ARHGAP10: variants seen among roughly 807,000 people sequenced by gnomAD.
The protein encoded by ARHGAP10 is Rho GTPase activating protein 10.
A neutral mutation model predicts 108.6 loss-of-function variants in ARHGAP10; 87 were observed. That is an observed-to-expected ratio of 0.80 (90% CI 0.67 to 0.96). The LOEUF (loss-of-function observed/expected upper bound fraction) is 0.96, where lower values mean the gene tolerates loss of function less well. ARHGAP10 is among the 40% of genes least tolerant of loss of function. ARHGAP10 has a pLI of 0.00. For synonymous variants in ARHGAP10, 347 were observed against 341.1 expected (o/e 1.02, Z -0.19); for missense variants, 939 against 954.5 (o/e 0.98, Z 0.21).
chr4:147,828,339 G>A (rs1224510293), intron 3 of ARHGAP10, among the ~76,000 whole-genome samples: 1 of 152,196 alleles, frequency 6.6e-6, no homozygotes, highest in Non-Finnish European at 1.5e-5. Context: ...CTGTGTGTAT[G>A]CTCAGCAATC....
chr4:147,842,569 T>A (rs2126811981), intron 3 of ARHGAP10, among the ~76,000 whole-genome samples: 1 of 152,354 alleles, frequency 6.6e-6, no homozygotes, highest in Admixed American at 6.5e-5. Flanking sequence ...TCTGCTTTAG[T>A]GACACCGAGC....
intron 12 of ARHGAP10, among the ~76,000 whole-genome samples, chr4:147,910,702 G>A (rs1010518811): frequency 1.3e-5 from 2 of 151,848 alleles, no homozygotes; most frequent in African/African-American, 2.4e-5. Flanking sequence ...ACATAAAAAC[G>A]TGATCAGATC....
At chr4:147,882,462 C>A (rs202238537) in intron 10 of ARHGAP10, among the ~76,000 whole-genome samples, 122 of 145,152 alleles carry the variant, frequency 8.4e-4, no homozygotes, top group South Asian at 1.3e-3. Context: ...GACTCCGTTT[C>A]AAAAAAAAAA....
At chr4:147,783,538 T>C (rs189566626) in intron 1 of ARHGAP10, among the ~76,000 whole-genome samples, 138 of 145,292 alleles carry the variant, frequency 9.5e-4, no homozygotes, top group African/African-American at 3.0e-3. Context: ...AAATTATGTA[T>C]TGTATAATTT....
At chr4:147,958,259 T>A (rs1738862965) in intron 16 of ARHGAP10, among the ~76,000 whole-genome samples, 1 of 152,176 alleles carries the variant, frequency 6.6e-6, no homozygotes. Flanking sequence ...TGCCTCAGGG[T>A]TGGAGTCATG....
intron 5 of ARHGAP10, chr4:147,864,231 C>T (rs922531239): frequency 2.0e-5 from 3 of 152,430 alleles, no homozygotes; most frequent in Non-Finnish European, 4.4e-5. Context: ...GGAATAGCGT[C>T]CTGACCAGCT....
intron 22 of ARHGAP10, 34 bp downstream of exon 22, chr4:148,064,541 T>G (rs759776804): frequency 1.3e-6 from 2 of 1,572,782 alleles, no homozygotes; most frequent in Non-Finnish European, 1.7e-6. Context: ...CTGTTAATCC[T>G]GTCCGCAGGA....
At chr4:147,813,634 G>A (rs1306469864) in intron 1 of ARHGAP10, among the ~76,000 whole-genome samples, 1 of 152,144 alleles carries the variant, frequency 6.6e-6, no homozygotes, top group East Asian at 1.9e-4. Context: ...AATTGCACGC[G>A]ACAGAGAAAA....
At position 147,765,275 on chromosome 4, in the gene ARHGAP10, C is replaced by CAT. The variant is rs1349913004; in HGVS notation, c.154+32820_154+32821insAT. Among the ~76,000 whole-genome samples the CAT allele has an allele frequency of 4.9e-5, 7 of 142,890 alleles. No homozygotes were observed. The Admixed American group carries it at 5.1e-4, about 10-fold the overall frequency. 93.7% of individuals were successfully genotyped at this position (142,890 alleles called of 152,430 possible). On this transcript the variant is annotated intron_variant, in intron 1 of 22. Transcript: ENST00000336498. The stretch of plus-strand genomic sequence containing the variant: ...CAGCCAGGTGTTTCCAATATCATAC[C>CAT]TGGAAATATAAAGTACACATTAGAA...
intron 19 of ARHGAP10, among the ~76,000 whole-genome samples, chr4:148,038,099 T>C (rs1175356294): frequency 6.6e-6 from 1 of 152,154 alleles, no homozygotes; most frequent in Non-Finnish European, 1.5e-5. Flanking sequence ...CAGTGTAGCA[T>C]TAGGTACTAC....
At chr4:147,743,762 A>G (rs1029546699) in intron 1 of ARHGAP10, among the ~76,000 whole-genome samples, 1 of 152,162 alleles carries the variant, frequency 6.6e-6, no homozygotes, top group African/African-American at 2.4e-5. Flanking sequence ...GGGCAACAAG[A>G]GTGAAACTCC....
chr4:147,758,776 C>G (rs184546586), intron 1 of ARHGAP10, among the ~76,000 whole-genome samples: 4 of 151,600 alleles, frequency 2.6e-5, no homozygotes, highest in Non-Finnish European at 5.9e-5. Context: ...GTCAGGAGTT[C>G]GAGACCAGCG....
chr4:148,043,498 G>C (rs544509505), intron 19 of ARHGAP10, among the ~76,000 whole-genome samples: 2 of 150,374 alleles, frequency 1.3e-5, no homozygotes, highest in Non-Finnish European at 3.0e-5. Context: ...TTTATTCCCA[G>C]CCAGGGGTGG....
chr4:147,982,700 C>T (rs1739864209), intron 18 of ARHGAP10, among the ~76,000 whole-genome samples: 1 of 151,736 alleles, frequency 6.6e-6, no homozygotes, highest in South Asian at 2.1e-4. Flanking sequence ...CACACCTAGC[C>T]TGGATTTCTT....
intron 18 of ARHGAP10, among the ~76,000 whole-genome samples, chr4:148,001,370 T>C (rs1474679364): frequency 6.6e-6 from 1 of 152,340 alleles, no homozygotes; most frequent in East Asian, 1.9e-4. Context: ...TTTGTTCTTT[T>C]GGCTTAGGAT....
chr4:147,822,058 G>A (rs1161504856), intron 1 of ARHGAP10, among the ~76,000 whole-genome samples: 2 of 152,194 alleles, frequency 1.3e-5, no homozygotes, highest in Non-Finnish European at 2.9e-5. Context: ...ACGGTGCAAG[G>A]CCTGTAAAAT....
intron 20 of ARHGAP10, among the ~76,000 whole-genome samples, chr4:148,050,108 C>T (rs7684915): frequency 3.4e-4 from 52 of 152,262 alleles, no homozygotes; most frequent in African/African-American, 1.2e-3. Flanking sequence ...CTCAAGTGAT[C>T]CGCCTGCCTT....
intron 13 of ARHGAP10, among the ~76,000 whole-genome samples, chr4:147,920,098 CT>C (rs1295865854): frequency 4.7e-5 from 7 of 150,212 alleles, no homozygotes; most frequent in African/African-American, 1.8e-4. Flanking sequence ...TCATGGGGAG[CT>C]TTTCTCTGAA....
At chr4:148,057,463 C>G (rs1220811933) in intron 20 of ARHGAP10, among the ~76,000 whole-genome samples, 1 of 152,170 alleles carries the variant, frequency 6.6e-6, no homozygotes, top group Non-Finnish European at 1.5e-5. Context: ...AAGTTGCTTT[C>G]ACCTTTCTGA....
Sources: allele counts gnomAD v4.1 joint callset (sites outside exome capture counted in the v4.1 genomes callset), GRCh38; gene constraint gnomAD v4.1.1; transcripts MANE v1.5; gene names NCBI Gene and HGNC (gene_info 2026-07-23, HGNC 2026-07-21).